PCDHA6: variants seen among roughly 807,000 people sequenced by gnomAD.
PCDHA6 encodes the protein protocadherin alpha-6.
A neutral mutation model predicts 60.3 loss-of-function variants in PCDHA6; 55 were observed. The ratio of observed to expected loss-of-function variants is 0.91; its 90% CI spans 0.73 to 1.14. PCDHA6 has a LOEUF of 1.14. Among genes scored for constraint, PCDHA6 ranks in the 50% most tolerant of loss-of-function variants. The pLI is 0.00. For synonymous variants in PCDHA6, 652 were observed against 557.9 expected (o/e 1.17, Z -2.38); for missense variants, 1,327 against 1,256.5 (o/e 1.06, Z -0.85).
intron 3 of PCDHA6, chr5:140,988,873 G>A (rs1471282852): frequency 6.6e-6 from 1 of 152,170 alleles, no homozygotes; most frequent in Non-Finnish European, 1.5e-5. Context: ...GCACTCAGAT[G>A]TACGATCCTG....
chr5:140,961,434 A>G (rs2095611315), intron 1 of PCDHA6, among the ~76,000 whole-genome samples: 1 of 152,174 alleles, frequency 6.6e-6, no homozygotes, highest in African/African-American at 2.4e-5. Context: ...TTACAAAATC[A>G]CCTAACTACA....
intron 1 of PCDHA6, chr5:140,849,250 C>T: frequency 9.2e-7 from 1 of 1,091,342 alleles, no homozygotes; most frequent in Non-Finnish European, 1.3e-6. Context: ...GTGAAATTAC[C>T]AGAAAACGTT....
chr5:140,913,055 T>G (rs1554195719), intron 1 of PCDHA6, among the ~76,000 whole-genome samples: 2 of 152,184 alleles, frequency 1.3e-5, no homozygotes, highest in African/African-American at 4.8e-5. Context: ...GAGTTTTATT[T>G]TATTTTGATG....
chr5:140,978,688 G>A (rs1258023605), intron 1 of PCDHA6, among the ~76,000 whole-genome samples: 2 of 152,238 alleles, frequency 1.3e-5, no homozygotes, highest in African/African-American at 4.8e-5. Context: ...TATTGGGCAA[G>A]GCAAAGCCAA....
intron 1 of PCDHA6, among the ~76,000 whole-genome samples, chr5:140,961,529 T>C (rs1208334511): frequency 2.6e-5 from 4 of 152,244 alleles, no homozygotes; most frequent in Admixed American, 1.3e-4. Flanking sequence ...AAATTCTAGA[T>C]AGACTGTTCC....
chr5:140,836,404 A>G (rs2150259922), intron 1 of PCDHA6: 15 of 1,613,772 alleles, frequency 9.3e-6, no homozygotes, highest in Non-Finnish European at 1.2e-5. Flanking sequence ...GAAAGCGGCC[A>G]GGCACCAAAG....
At chr5:140,837,117 T>C (rs1774919883) in intron 1 of PCDHA6, 1 of 157,306 alleles carries the variant, frequency 6.4e-6, no homozygotes, top group African/African-American at 2.4e-5. Flanking sequence ...ATATGTTACC[T>C]AATATTTTAT....
intron 1 of PCDHA6, among the ~76,000 whole-genome samples, chr5:140,894,240 ATTTTC>A (rs2064382890): frequency 6.6e-6 from 1 of 151,828 alleles, no homozygotes; most frequent in African/African-American, 2.4e-5. Flanking sequence ...TGACAATGTA[ATTTTC>A]TTTTCTTTAC....
intron 1 of PCDHA6, among the ~76,000 whole-genome samples, chr5:140,939,305 C>A (rs1251046319): frequency 6.6e-6 from 1 of 152,114 alleles, no homozygotes; most frequent in Non-Finnish European, 1.5e-5. Context: ...TCTACAAAAG[C>A]CCTACCTCCT....
intron 1 of PCDHA6, among the ~76,000 whole-genome samples, chr5:140,846,033 A>T (rs1301242129): frequency 6.7e-6 from 1 of 149,692 alleles, no homozygotes; most frequent in East Asian, 1.9e-4. Flanking sequence ...GAGTTTAGGA[A>T]AGTCAAGTTA....
At chr5:140,843,144 C>G (rs1554139783) in intron 1 of PCDHA6, 3 of 1,596,036 alleles carry the variant, frequency 1.9e-6, no homozygotes, top group Non-Finnish European at 2.6e-6. Flanking sequence ...GCGTGGCTTT[C>G]GTATGAGCTG....
intron 1 of PCDHA6, chr5:140,928,682 C>T (rs782513735): frequency 6.2e-7 from 1 of 1,614,174 alleles, no homozygotes; most frequent in Non-Finnish European, 8.5e-7. Flanking sequence ...GCCTGGCTTT[C>T]CTACCACATC....
At chr5:140,972,514 A>G (rs2096539827) in intron 1 of PCDHA6, among the ~76,000 whole-genome samples, 1 of 152,260 alleles carries the variant, frequency 6.6e-6, no homozygotes, top group Admixed American at 6.5e-5. Context: ...TTTTACCCCC[A>G]GTGAGCTTAT....
rs782346022 is a variant in PCDHA6 at position 140,877,702 on chromosome 5, G to A, written c.2394+47217G>A. On this transcript the variant is annotated intron_variant, in intron 1 of 3. Coordinates refer to ENST00000529310, the MANE Select transcript of PCDHA6 (RefSeq NM_018909.4). Reference sequence around the variant, plus strand: ...CAAGCCCACGCTGGTGTGCTCCAGCGCCGTGGGGAGTTGGTCTTACTCGCA... The same window carrying A: ...CAAGCCCACGCTGGTGTGCTCCAGCACCGTGGGGAGTTGGTCTTACTCGCA... 52 of 1,613,876 alleles carry A rather than the reference G, an allele frequency of 3.2e-5. No homozygotes were observed. In the Admixed American group the frequency reaches 8.7e-4, roughly 27 times the overall value.
At chr5:140,842,527 G>T in intron 1 of PCDHA6, 1 of 1,613,310 alleles carries the variant, frequency 6.2e-7, no homozygotes, top group Non-Finnish European at 8.5e-7. Flanking sequence ...CCACCTTCAA[G>T]AATTACTACT....
At position 140,828,560 on chromosome 5, in the gene PCDHA6, G is replaced by T; in HGVS notation, c.469G>T (p.Ala157Ser). The T allele has an allele frequency of 6.2e-7, 1 of 1,614,210 alleles. No homozygotes were observed. The highest frequency in any genetic ancestry group is 8.5e-7 in the Non-Finnish European group (1 of 1,180,046). ...AGATTCTGTGTTTCCACTGGAGGGC[G>T]CGTCCGATGCAGATGTTGGCTCAAA... The part of the protein sequence containing the change: ...LPDSVFPLEG[A>S]SDADVGSNSI... The change falls in exon 1 of 4, where the codon GCG becomes TCG. Residue 157 changes from alanine to serine, a missense_variant. Physicochemically the swap from Ala to Ser is moderately conservative, Grantham distance 99. Coordinates refer to ENST00000529310, the MANE Select transcript of PCDHA6 (RefSeq NM_018909.4).
chr5:140,870,825 C>G (rs1554164734), intron 1 of PCDHA6: 1 of 1,613,726 alleles, frequency 6.2e-7, no homozygotes. Flanking sequence ...GCGCGGGAGG[C>G]GCAGTTAACA....
chr5:140,837,077 TATAA>T (rs1774901335), intron 1 of PCDHA6: 1 of 173,054 alleles, frequency 5.8e-6, no homozygotes. Context: ...AATCAATACC[TATAA>T]ATGTTATAGT....
chr5:140,839,524 G>A (rs1776264287), intron 1 of PCDHA6, among the ~76,000 whole-genome samples: 1 of 151,794 alleles, frequency 6.6e-6, no homozygotes, highest in Non-Finnish European at 1.5e-5. Context: ...CAAGTTGCTG[G>A]GACTATAGGC....
Sources: gnomAD v4.1 joint callset for allele counts (sites outside exome capture counted in the v4.1 genomes callset) on GRCh38, gnomAD v4.1.1 for gene constraint, MANE v1.5 for transcripts, NCBI Gene and HGNC (gene_info 2026-07-23, HGNC 2026-07-21) for gene names.